Variants in URB1 observed in about 807,000 individuals in gnomAD.
URB1 encodes URB1 ribosome biogenesis factor.
A neutral mutation model predicts 242.3 loss-of-function variants in URB1; 197 were observed. That is an observed-to-expected ratio of 0.81 (90% CI 0.72 to 0.91). The LOEUF (loss-of-function observed/expected upper bound fraction) is 0.91. Ranked by LOEUF, URB1 falls within the 40% of genes least tolerant of loss-of-function variation. The pLI, the probability that URB1 is intolerant of heterozygous loss-of-function variation, is 0.00. For missense variants in URB1, 2,721 were observed against 2,860.5 expected, an observed-to-expected ratio of 0.95 and a Z score of 1.11; for synonymous variants, 1,153 against 1,201.8, an observed-to-expected ratio of 0.96 and a Z score of 0.84.
In URB1 at chr21:32,321,862, C is replaced by T. The variant is rs1445908698; in HGVS notation, c.5423G>A (p.Arg1808His). Residue 1808 changes from arginine to histidine, a missense_variant, in exon 34 of 39, where the codon CGT becomes CAT. Physicochemically the swap from Arg to His is conservative, Grantham distance 29. Transcript: ENST00000382751. ...DKQCYELCAR[R>H]GIFHIILSFF... ...GGACAGGATGATGTGGAAGATGCCA[C>T]GCCGGGCACACAGTTCGTAGCACTG... 7 of 1,551,598 alleles carry T rather than the reference C, an allele frequency of 4.5e-6. No individual in the cohort carries two copies. Among genetic ancestry groups the T allele is most frequent in the Admixed American group, 2.0e-5 (1 of 50,982 alleles).
chr21:32,315,316 A>T (rs2032665955), intron 38 of URB1, among the ~76,000 whole-genome samples: 2 of 31,814 alleles, frequency 6.3e-5, no homozygotes, highest in East Asian at 1.6e-3. Flanking sequence ...CTTTTCTTTA[A>T]AAAAAAAAAA....
intron 19 of URB1, 70 bp downstream of exon 19, chr21:32,352,640 G>GC: frequency 6.5e-6 from 10 of 1,531,544 alleles, no homozygotes; most frequent in Non-Finnish European, 7.9e-6. Context: ...CACAGCTGTG[G>GC]CCCAGCCAGC....
At chr21:32,390,342 A>T (rs2033624403) in intron 1 of URB1, among the ~76,000 whole-genome samples, 1 of 152,260 alleles carries the variant, frequency 6.6e-6, no homozygotes, top group Non-Finnish European at 1.5e-5. Flanking sequence ...CCATCCTACA[A>T]TCCTTTTGAA....
chr21:32,380,090 C>T (rs1347567487), intron 4 of URB1, among the ~76,000 whole-genome samples: 1 of 152,186 alleles, frequency 6.6e-6, no homozygotes, highest in Non-Finnish European at 1.5e-5. Context: ...AGAAGTTCTT[C>T]CTTCTTCACA....
At chr21:32,365,988 C>T (rs528046354) in intron 10 of URB1, among the ~76,000 whole-genome samples, 2 of 152,372 alleles carry the variant, frequency 1.3e-5, no homozygotes, top group African/African-American at 2.4e-5. Context: ...CAACAACCCA[C>T]AGCCATTCAC....
Position 32,311,684 on chromosome 21 carries a change from G to T in URB1, c.*3234C>A. 6.2e-7 allele frequency: 1 copy of T among 1,613,910 alleles called. No homozygotes were observed. Among genetic ancestry groups the T allele is most frequent in the Non-Finnish European group, 8.5e-7 (1 of 1,179,942 alleles). On this transcript the variant is annotated 3_prime_UTR_variant, in exon 39 of 39. Coordinates refer to ENST00000382751, the MANE Select transcript of URB1 (RefSeq NM_014825.3). The stretch of plus-strand genomic sequence containing the variant: ...GCCTCCCACTCTGCTCTGTTCACAG[G>T]AACAGCCCCAAGCACCACCAAACAT...
rs113235902 is a variant in URB1 at position 32,311,585 on chromosome 21, C to T, written c.*3333G>A. The T allele has an allele frequency of 1.8e-4, 280 of 1,520,572 alleles. No homozygotes were observed. In the African/African-American group the frequency reaches 2.8e-3, roughly 15 times the overall value. The allele number at this position is 1,520,572 out of a possible 1,614,324, so 94.2% of individuals were successfully genotyped here. A position where few individuals can be genotyped will look rare whatever the true frequency, so the allele number is the denominator to read the frequency against. ...CCTGTGTGGCCTTCCCTATGGGGTCCGGGCAGATGGCAGGTGTGGCAGGAA... is the reference window on the plus strand; with the variant it reads ...CCTGTGTGGCCTTCCCTATGGGGTCTGGGCAGATGGCAGGTGTGGCAGGAA... On this transcript the variant is annotated 3_prime_UTR_variant, in exon 39 of 39. Transcript: ENST00000382751.
intron 30 of URB1, among the ~76,000 whole-genome samples, chr21:32,332,903 C>T (rs866918264): frequency 6.6e-6 from 1 of 152,138 alleles, no homozygotes; most frequent in South Asian, 2.1e-4. Flanking sequence ...TCTGAGGCTA[C>T]TAGACACAAA....
chr21:32,364,761 A>G (rs2033326715), intron 10 of URB1, among the ~76,000 whole-genome samples: 2 of 151,190 alleles, frequency 1.3e-5, no homozygotes, highest in African/African-American at 2.4e-5. Context: ...GTATGCTTTA[A>G]AAGTTTTTTA....
intron 1 of URB1, among the ~76,000 whole-genome samples, chr21:32,387,222 C>T (rs1021713927): frequency 6.6e-6 from 1 of 152,154 alleles, no homozygotes; most frequent in African/African-American, 2.4e-5. Flanking sequence ...CACAACCCCA[C>T]CCTACCAACT....
chr21:32,337,350 C>T (rs987796236), intron 27 of URB1, 54 bp downstream of exon 27: 2 of 1,486,818 alleles, frequency 1.3e-6, no homozygotes, highest in East Asian at 2.5e-5. Context: ...CTGCTCACAC[C>T]CCCGGCCCTC....
Position 32,316,368 on chromosome 21 carries a change from A to C in URB1, c.6634+98T>G, listed in dbSNP as rs2032685207. ...AGCACAATACCCAGCTGAGGAAGTC[A>C]GCAGAAACCTGAGTGTTCTAAGCAC... On this transcript the variant is annotated intron_variant, in intron 38 of 38. Coordinates refer to ENST00000382751, the MANE Select transcript of URB1 (RefSeq NM_014825.3). The C allele has an allele frequency of 2.1e-6, 3 of 1,434,132 alleles. No individual in the cohort carries two copies. In the Admixed American group the frequency reaches 9.0e-5, roughly 43 times the overall value. The allele number at this position is 1,434,132 out of a possible 1,614,324, so 88.8% of individuals were successfully genotyped here.
At position 32,349,341 on chromosome 21, in the gene URB1, A is replaced by G. The variant is rs1245424057; in HGVS notation, c.2975T>C (p.Met992Thr). Residue 992 changes from methionine to threonine, a missense_variant, in exon 21 of 39, where the codon ATG (methionine) becomes ACG (threonine). Physicochemically the swap from Met to Thr is moderately conservative, Grantham distance 81. Coordinates refer to ENST00000382751, the MANE Select transcript of URB1 (RefSeq NM_014825.3). ...CAACTCCAGCGAGGCCACGGACTCC[A>G]TGTCCAGGAAGAGGTCGGCTTCGGC... Reference protein sequence around the residue: ...ARAEADLFLDMESVASLELAN... With the variant: ...ARAEADLFLDTESVASLELAN... The G allele has an allele frequency of 6.4e-7, 1 of 1,550,564 alleles. No individual in the cohort carries two copies. The highest frequency in any genetic ancestry group is 1.2e-5 in the South Asian group (1 of 83,942).
rs531927802 is a variant in URB1 at position 32,355,432 on chromosome 21, G to A, written c.2106+17C>T. 81 of 1,544,948 alleles carry A rather than the reference G, an allele frequency of 5.2e-5. No homozygotes were observed. In the East Asian group the frequency reaches 1.8e-3, roughly 34 times the overall value. ...TATCTCTGAGCATGTTCCTTTATGT[G>A]GGAAATATGTGCTTACGCGTTCCAG... On this transcript the variant is annotated intron_variant, in intron 16 of 38. Transcript: ENST00000382751.
Position 32,349,406 on chromosome 21 carries a change from C to A in URB1, c.2910G>T (p.Gln970His), listed in dbSNP as rs1232930693. Residue 970 changes from glutamine to histidine, a missense_variant, in exon 21 of 39, where the codon CAG (glutamine) becomes CAT (histidine). Gln to His is a conservative substitution (Grantham distance 24, BLOSUM62 0). Coordinates refer to ENST00000382751, the MANE Select transcript of URB1 (RefSeq NM_014825.3). Reference sequence around the variant, plus strand: ...ATCTCTGCTGGTTCTGGGCATCCAGCTGCTCACAGTGGACAACCAGGCGCC... The same window carrying A: ...ATCTCTGCTGGTTCTGGGCATCCAGATGCTCACAGTGGACAACCAGGCGCC... ...LLRRLVVHCE[Q>H]LDAQNQQRCE... is the part of the protein sequence containing the mutation. The A allele has an allele frequency of 5.8e-6, 9 of 1,551,398 alleles. No individual in the cohort carries two copies. The highest frequency in any genetic ancestry group is 7.0e-6 in the Non-Finnish European group (8 of 1,146,980).
chr21:32,343,792 C>T (rs1183324372), intron 24 of URB1, among the ~76,000 whole-genome samples: 1 of 151,974 alleles, frequency 6.6e-6, no homozygotes, highest in Non-Finnish European at 1.5e-5. Flanking sequence ...TATAAACCTA[C>T]AGACCACGAA....
intron 16 of URB1, 57 bp downstream of exon 16, chr21:32,355,392 A>G: frequency 6.7e-7 from 1 of 1,483,264 alleles, no homozygotes; most frequent in Admixed American, 2.0e-5. Context: ...GATGACGCTA[A>G]GAAGTTAATA....
intron 25 of URB1, among the ~76,000 whole-genome samples, chr21:32,340,019 A>G (rs997797340): frequency 4.6e-5 from 7 of 152,372 alleles, no homozygotes; most frequent in African/African-American, 1.7e-4. Context: ...AGGAAAGGAA[A>G]GCAACACGCT....
chr21:32,384,077 TAGC>T (rs1457132038), intron 3 of URB1, among the ~76,000 whole-genome samples: 10 of 152,018 alleles, frequency 6.6e-5, no homozygotes, highest in African/African-American at 2.4e-4. Context: ...CAACAGATAA[TAGC>T]AGCAAGGACA....
Sources: allele counts gnomAD v4.1 joint callset (sites outside exome capture counted in the v4.1 genomes callset), GRCh38; gene constraint gnomAD v4.1.1; transcripts MANE v1.5; gene names NCBI Gene and HGNC (gene_info 2026-07-23, HGNC 2026-07-21).